The following HK1 variants were observed in gnomAD, a reference collection of about 807,000 sequenced individuals.
The protein encoded by HK1 is hexokinase-1.
In HK1, 28 loss-of-function variants were observed where a neutral mutation model predicts 91.6. The ratio of observed to expected loss-of-function variants is 0.31; its 90% confidence interval spans 0.23 to 0.42. HK1 has a LOEUF of 0.42. Among genes scored for constraint, HK1 ranks in the 10% least tolerant of loss-of-function variants. The pLI, the probability that HK1 is intolerant of heterozygous loss-of-function variation, is 1.00. For missense variants in HK1, 770 were observed against 1,219.8 expected (o/e 0.63, Z 5.49); for synonymous variants, 430 against 468.1 (o/e 0.92, Z 1.05).
rs1845801492 is a variant in HK1, at chr10:69,300,420, A to G, written c.-66-349A>G. ...TGAGGCATTTTATTTGTAAATATGT[A>G]TAACATCTCTAGAAAAAGAATCCCA... On this transcript the variant is annotated intron_variant, in intron 4 of 21. Transcript: ENST00000360289. 5.9e-6 allele frequency: 4 copies of G among 678,468 alleles called. No individual in the cohort carries two copies. The Admixed American group carries it at 9.7e-5, about 16-fold the overall frequency. The allele number at this position is 678,468 out of a possible 1,614,324, so 42.0% of individuals were successfully genotyped here. A position where few individuals can be genotyped will look rare whatever the true frequency, so the allele number is the denominator to read the frequency against.
rs1374451272 is a variant in HK1, at chr10:69,338,629, G to A, written c.64-5198G>A. The A allele has an allele frequency of 1.2e-5, 15 of 1,288,470 alleles. No homozygotes were observed. In the South Asian group the frequency reaches 1.4e-4, roughly 12 times the overall value. The allele number at this position is 1,288,470 out of a possible 1,614,324, so 79.8% of individuals were successfully genotyped here. On this transcript the variant is annotated intron_variant, in intron 1 of 17. Coordinates refer to ENST00000359426, the MANE Select transcript of HK1 (RefSeq NM_000188.3). ...TGTTTGGCTGGAGCAGTAAAGCAGC[G>A]GTGATGTGGAGGCAGCACCTAAGAG... is the stretch of plus-strand genomic sequence containing the variant.
rs1332425250 is a variant in HK1, at chr10:69,389,255, G to A, written c.1994G>A (p.Cys665Tyr). 1 of 1,613,774 alleles carries A rather than the reference G, an allele frequency of 6.2e-7. No individual in the cohort carries two copies. The highest frequency in any genetic ancestry group is 1.1e-5 in the South Asian group (1 of 90,988). Residue 665 changes from cysteine (C) to tyrosine (Y), a missense_variant, in exon 14 of 18, where the codon TGT becomes TAT. By Grantham distance (194) the Cys-to-Tyr change is radical (BLOSUM62 -2). Around this residue, in one of 7 missense-constraint regions of HK1, gnomAD observed 152 missense variants for 211.1 expected, o/e 0.72. Coordinates refer to ENST00000359426, the MANE Select transcript of HK1 (RefSeq NM_000188.3). ...GACACAGTGGGCACCATGATGACCTGTGCTTATGAGGAGCCCACCTGTGAG... is the reference window on the plus strand; with the variant it reads ...GACACAGTGGGCACCATGATGACCTATGCTTATGAGGAGCCCACCTGTGAG... ...VNDTVGTMMT[C>Y]AYEEPTCEVG... is the part of the protein sequence containing the mutation.
intron 3 of HK1, among the ~76,000 whole-genome samples, chr10:69,292,946 C>T: frequency 6.6e-6 from 1 of 152,292 alleles, no homozygotes; most frequent in African/African-American, 2.4e-5. Context: ...GACCAGGACC[C>T]ACCCTATCCC....
At position 69,401,181 on chromosome 10, in the gene HK1, C is replaced by T; in HGVS notation, c.*46C>T. ...ACTGCCTCTCCAGCACTTCTCTCTT[C>T]AAGCGGCGACCCCCTACCCTCCCAG... On this transcript the variant is annotated 3_prime_UTR_variant, in exon 18 of 18. Transcript: ENST00000359426. The T allele has an allele frequency of 6.3e-7, 1 of 1,586,210 alleles. No individual in the cohort carries two copies. Among genetic ancestry groups the T allele is most frequent in the Non-Finnish European group, 8.6e-7 (1 of 1,168,328 alleles).
Position 69,333,801 on chromosome 10 carries a change from G to C in HK1, c.64-10026G>C, listed in dbSNP as rs139964159. Among the ~76,000 whole-genome samples, 344 of 152,236 alleles carry C rather than the reference G, an allele frequency of 2.3e-3. 4 individuals carry two copies. Among genetic ancestry groups the C allele is most frequent in the African/African-American group, 8.0e-3 (331 of 41,548 alleles). On this transcript the variant is annotated intron_variant, in intron 1 of 17. Transcript: ENST00000359426. ...CTGTCCACATTCACGTTGCTAGAACGTCAGTTTCTTCATCAAGAATGGGGA... is the reference window on the plus strand; with the variant it reads ...CTGTCCACATTCACGTTGCTAGAACCTCAGTTTCTTCATCAAGAATGGGGA...
chr10:69,381,546 C>CTTTTTTTT (rs35306200), intron 9 of HK1, among the ~76,000 whole-genome samples: 4 of 132,244 alleles, frequency 3.0e-5, no homozygotes, highest in Non-Finnish European at 4.8e-5. Flanking sequence ...TCATCTTAAC[C>CTTTTTTTT]TTTTTTTTTT....
At chr10:69,397,502 T>C (rs1840195763) in intron 16 of HK1, among the ~76,000 whole-genome samples, 1 of 152,220 alleles carries the variant, frequency 6.6e-6, no homozygotes, top group South Asian at 2.1e-4. Context: ...ACATTTGTAC[T>C]GTGTATGACA....
chr10:69,362,948 A>G (rs2032788887), intron 3 of HK1, among the ~76,000 whole-genome samples: 1 of 152,164 alleles, frequency 6.6e-6, no homozygotes. Flanking sequence ...AAAATTGACC[A>G]GGCGTTCTAT....
intron 5 of HK1, among the ~76,000 whole-genome samples, chr10:69,309,926 T>C (rs1395745248): frequency 2.0e-5 from 3 of 151,464 alleles, no homozygotes; most frequent in African/African-American, 7.3e-5. Context: ...GGCGCATGCC[T>C]GTAATCCCAG....
At chr10:69,276,107 AAAAAAAAAAAAATAC>A (rs1844430409) in intron 1 of HK1, among the ~76,000 whole-genome samples, 1 of 61,078 alleles carries the variant, frequency 1.6e-5, no homozygotes, top group African/African-American at 6.1e-5. Flanking sequence ...AAAAAAAAAA[AAAAAAAAAAAAATAC>A]ATATATATAT....
At chr10:69,291,516 C>A (rs919069264) in intron 3 of HK1, among the ~76,000 whole-genome samples, 11 of 152,288 alleles carry the variant, frequency 7.2e-5, no homozygotes, top group African/African-American at 2.6e-4. Context: ...TCCCACTTTA[C>A]AGATGGGGAA....
chr10:69,393,074 C>T (rs546015565), intron 15 of HK1, among the ~76,000 whole-genome samples: 121 of 152,286 alleles, frequency 7.9e-4, no homozygotes, highest in Middle Eastern at 3.4e-3. Context: ...CTCCACCTCC[C>T]GGGTTCAAGC....
intron 3 of HK1, among the ~76,000 whole-genome samples, chr10:69,360,350 C>A (rs1028033952): frequency 1.1e-4 from 17 of 152,304 alleles, no homozygotes; most frequent in Non-Finnish European, 1.8e-4. Flanking sequence ...GCACTCATTC[C>A]CTGTGGATCC....
intron 3 of HK1, 54 bp from the exon 4 acceptor site, chr10:69,364,729 A>G: frequency 6.2e-7 from 1 of 1,610,298 alleles, no homozygotes. Context: ...ATATTTTTCT[A>G]TGAAATGCTA....
chr10:69,320,728 C>T (rs888384437), intron 1 of HK1, among the ~76,000 whole-genome samples: 1 of 152,102 alleles, frequency 6.6e-6, no homozygotes, highest in Non-Finnish European at 1.5e-5. Flanking sequence ...CTCCAGTGTC[C>T]ACACCCACCA....
chr10:69,347,064 T>G (rs1170134289), intron 2 of HK1, among the ~76,000 whole-genome samples: 14 of 151,192 alleles, frequency 9.3e-5, no homozygotes, highest in African/African-American at 4.9e-5. Context: ...TGAGATGGAG[T>G]CTTGCTCTGT....
At chr10:69,303,495 T>C (rs1298538179) in intron 5 of HK1, among the ~76,000 whole-genome samples, 2 of 152,084 alleles carry the variant, frequency 1.3e-5, no homozygotes, top group East Asian at 3.9e-4. Flanking sequence ...CCCAGGACTA[T>C]TTCTCTATTG....
At chr10:69,375,970 A>G (rs1039772156) in intron 7 of HK1, among the ~76,000 whole-genome samples, 2 of 152,184 alleles carry the variant, frequency 1.3e-5, no homozygotes, top group African/African-American at 2.4e-5. Flanking sequence ...ATTGGCTGTC[A>G]GTATGCAGAG....
In HK1 at chr10:69,397,327, T is replaced by C. The variant is rs147743970; in HGVS notation, c.2376-1268T>C. ...TCGCCAACACTTGTTATTTTCTGAG[T>C]TGAGAATAGCCATCCTAATGGGTAT... On this transcript the variant is annotated intron_variant, in intron 16 of 17. Coordinates refer to ENST00000359426, the MANE Select transcript of HK1 (RefSeq NM_000188.3). Among the ~76,000 whole-genome samples the C allele has an allele frequency of 2.9e-4, 44 of 152,296 alleles. 1 individual carries two copies. In the South Asian group the frequency reaches 7.9e-3, roughly 27 times the overall value.
Sources: allele counts gnomAD v4.1 joint callset (sites outside exome capture counted in the v4.1 genomes callset), GRCh38; gene constraint gnomAD v4.1.1; regional missense constraint gnomAD v4.1.1; transcripts MANE v1.5; gene names NCBI Gene and HGNC (gene_info 2026-07-23, HGNC 2026-07-21).